The following SND1 variants were observed in gnomAD, a reference collection of about 807,000 sequenced individuals.
The protein encoded by SND1 is staphylococcal nuclease and tudor domain containing 1, also known as staphylococcal nuclease domain-containing protein 1.
A neutral mutation model predicts 121.7 loss-of-function variants in SND1; 38 were observed. The ratio of observed to expected loss-of-function variants is 0.31; its 90% CI spans 0.24 to 0.41. The LOEUF is 0.41. Among genes scored for constraint, SND1 ranks in the 10% least tolerant of loss-of-function variants. The pLI is 1.00. For synonymous variants in SND1, 401 were observed against 447.4 expected, an observed-to-expected ratio of 0.90 and a Z score of 1.31; for missense variants, 868 against 1,184.6, an observed-to-expected ratio of 0.73 and a Z score of 3.92.
At chr7:127,835,461 C>CT (rs1454262017) in intron 11 of SND1, among the ~76,000 whole-genome samples, 1 of 152,170 alleles carries the variant, frequency 6.6e-6, no homozygotes, top group African/African-American at 2.4e-5. Context: ...CCACCCTCAA[C>CT]TTTCATCCTT....
chr7:127,877,620 G>A (rs1284651412), intron 12 of SND1, among the ~76,000 whole-genome samples: 1 of 152,026 alleles, frequency 6.6e-6, no homozygotes, highest in Non-Finnish European at 1.5e-5. Flanking sequence ...TTTATAAGAG[G>A]TGAGGTTTTG....
At chr7:127,945,584 C>T (rs149458994) in intron 15 of SND1, among the ~76,000 whole-genome samples, 24 of 152,188 alleles carry the variant, frequency 1.6e-4, no homozygotes, top group South Asian at 4.1e-4. Context: ...CAATCACATA[C>T]GGAACCAAAC....
chr7:127,903,777 G>A (rs1800280209), intron 13 of SND1, among the ~76,000 whole-genome samples: 1 of 152,200 alleles, frequency 6.6e-6, no homozygotes, highest in African/African-American at 2.4e-5. Context: ...AGGTGGAAAT[G>A]TGGCTGACAG....
chr7:128,062,339 G>T (rs1451610527), intron 16 of SND1, among the ~76,000 whole-genome samples: 1 of 152,190 alleles, frequency 6.6e-6, no homozygotes, highest in Non-Finnish European at 1.5e-5. Flanking sequence ...AGGGGCATAG[G>T]ACTGCCTCAG....
chr7:127,827,819 A>G (rs531516315), intron 11 of SND1, among the ~76,000 whole-genome samples: 1 of 152,272 alleles, frequency 6.6e-6, no homozygotes, highest in East Asian at 1.9e-4. Context: ...TGTCTTTTAC[A>G]GAGAAAAATA....
At position 128,029,582 on chromosome 7, in the gene SND1, G is replaced by A. The variant is rs1792516810; in HGVS notation, c.1779+38526G>A. On this transcript the variant is annotated intron_variant, in intron 16 of 23. Coordinates refer to ENST00000354725, the MANE Select transcript of SND1 (RefSeq NM_014390.4). This position sits in a 1 kb window ranked among gnomAD's most constrained non-coding sequence, Gnocchi z 4.2. ...GGTCTCGAGGTGCGTCCATGATGAA[G>A]GGGGCAGAGCACTGGAAGGAGGCCT... 6.2e-7 allele frequency: 1 copy of A among 1,613,962 alleles called. No individual in the cohort carries two copies.
chr7:127,904,638 C>T lies in SND1; in HGVS notation c.1455-109C>T, dbSNP rs2116765369. The T allele has an allele frequency of 3.1e-5, 21 of 687,336 alleles. 1 individual carries two copies. In the South Asian group the frequency reaches 3.5e-4, roughly 12 times the overall value. The allele number at this position is 687,336 out of a possible 1,614,324, so 42.6% of individuals were successfully genotyped here. On this transcript the variant is annotated intron_variant, in intron 13 of 23. Transcript: ENST00000354725. ...CAGTGTACAGTGTGACTTGTGTAGT[C>T]ATACATCCCCACTTTAACAACCCTC...
intron 12 of SND1, among the ~76,000 whole-genome samples, chr7:127,879,087 T>A (rs1386831614): frequency 6.6e-6 from 1 of 152,204 alleles, no homozygotes; most frequent in Non-Finnish European, 1.5e-5. Context: ...AAGTTCCCTG[T>A]TAGTTTCTAT....
At chr7:128,058,601 A>T (rs1022178958) in intron 16 of SND1, among the ~76,000 whole-genome samples, 3 of 152,222 alleles carry the variant, frequency 2.0e-5, no homozygotes, top group Non-Finnish European at 4.4e-5. Flanking sequence ...CTTCTCTTTT[A>T]TGCAGAGAAG....
intron 16 of SND1, chr7:128,030,177 C>G: frequency 6.2e-7 from 1 of 1,614,206 alleles, no homozygotes; most frequent in Non-Finnish European, 8.5e-7. Flanking sequence ...GGGGTTGTTG[C>G]GAAGCCAGAG....
At chr7:127,652,944 C>T (rs1439015423) in intron 1 of SND1, among the ~76,000 whole-genome samples, 1 of 152,222 alleles carries the variant, frequency 6.6e-6, no homozygotes, top group Non-Finnish European at 1.5e-5. Context: ...TCCTCTCTTT[C>T]CCTCCACCTC....
intron 8 of SND1, among the ~76,000 whole-genome samples, chr7:127,707,094 G>A (rs1234347393): frequency 6.6e-6 from 1 of 151,980 alleles, no homozygotes; most frequent in Non-Finnish European, 1.5e-5. Flanking sequence ...TGAGGATTTT[G>A]TTCATTTTCT....
intron 21 of SND1, 62 bp from the exon 22 acceptor site, chr7:128,089,427 G>A: frequency 6.7e-7 from 1 of 1,489,774 alleles, no homozygotes; most frequent in Non-Finnish European, 9.2e-7. Flanking sequence ...TCTATGGACA[G>A]GAGCTGGGGC....
chr7:127,731,847 T>C (rs1796681810), intron 10 of SND1, among the ~76,000 whole-genome samples: 1 of 152,336 alleles, frequency 6.6e-6, no homozygotes, highest in East Asian at 1.9e-4. Flanking sequence ...AGATACAAAT[T>C]AGTCCCAGAG....
At chr7:128,073,967 C>T (rs1470645224) in intron 16 of SND1, among the ~76,000 whole-genome samples, 1 of 152,186 alleles carries the variant, frequency 6.6e-6, no homozygotes, top group Non-Finnish European at 1.5e-5. Flanking sequence ...TGCGCTGATG[C>T]ATTTCCTGCC....
chr7:127,824,892 T>C (rs1405984044), intron 11 of SND1, among the ~76,000 whole-genome samples: 1 of 152,136 alleles, frequency 6.6e-6, no homozygotes. Flanking sequence ...AGATGGTGTA[T>C]TTGCCAAATT....
intron 12 of SND1, among the ~76,000 whole-genome samples, chr7:127,884,346 A>T (rs1445120009): frequency 6.6e-6 from 1 of 152,148 alleles, no homozygotes; most frequent in Non-Finnish European, 1.5e-5. Context: ...TGTGGCAGTC[A>T]TGAAAATGTG....
chr7:127,699,252 G>A (rs1796060393), intron 4 of SND1, among the ~76,000 whole-genome samples: 1 of 152,192 alleles, frequency 6.6e-6, no homozygotes, highest in Non-Finnish European at 1.5e-5. Flanking sequence ...TCTGTCTAGC[G>A]AGTCCCAAAT....
chr7:127,897,035 C>T lies in SND1; in HGVS notation c.1455-7712C>T, dbSNP rs17675628. On this transcript the variant is annotated intron_variant, in intron 13 of 23. Transcript: ENST00000354725. ...ACAGAATTTTGTAGCTGATTGTGAACGGGAAATCCGCTTCATAGCTTCTTT... is the reference window on the plus strand; with the variant it reads ...ACAGAATTTTGTAGCTGATTGTGAATGGGAAATCCGCTTCATAGCTTCTTT... Among the ~76,000 whole-genome samples, 369 of 152,212 alleles carry T rather than the reference C, an allele frequency of 2.4e-3. 1 individual carries two copies. The highest frequency in any genetic ancestry group is 0.024 in the Middle Eastern group (7 of 294).
Sources: allele counts gnomAD v4.1 joint callset (sites outside exome capture counted in the v4.1 genomes callset), GRCh38; gene constraint gnomAD v4.1.1; non-coding constraint Gnocchi (gnomAD v3.1); transcripts MANE v1.5; gene names NCBI Gene and HGNC (gene_info 2026-07-23, HGNC 2026-07-21).